Variants in TPSG1 observed in about 807,000 individuals in gnomAD.
TPSG1 encodes tryptase gamma 1, also known as tryptase gamma.
TPSG1 carries 43 observed loss-of-function variants against 23.8 expected under a neutral mutation model. The observed-to-expected ratio is 1.81, with a 90% CI of 1.42 to 2.33. The LOEUF is 2.33. Among genes scored for constraint, TPSG1 ranks in the 30% most tolerant of loss-of-function variants. TPSG1 has a pLI of 0.00. For missense variants in TPSG1, 623 were observed against 438.6 expected, an observed-to-expected ratio of 1.42 and a Z score of -3.75; for synonymous variants, 302 against 201.3, an observed-to-expected ratio of 1.50 and a Z score of -4.23.
rs1335427652 is a variant in TPSG1, at chr16:1,221,754, A to C, written c.*34T>G. The stretch of plus-strand genomic sequence containing the variant: ...GAGGGGGCGGAGCGGAATAAATAGT[A>C]ACTTATTTAAGAAATGCACTTGGAT... On this transcript the variant is annotated 3_prime_UTR_variant, in exon 6 of 6. Coordinates refer to ENST00000234798, the MANE Select transcript of TPSG1 (RefSeq NM_012467.4). The C allele has an allele frequency of 1.9e-6, 3 of 1,558,998 alleles. No individual in the cohort carries two copies. The highest frequency in any genetic ancestry group is 4.5e-5 in the East Asian group (2 of 43,996).
At chr16:1,224,775 A>C (rs1009716405) in intron 1 of TPSG1, 147 bp from the exon 2 acceptor site, 1 of 943,794 alleles carries the variant, frequency 1.1e-6, no homozygotes. Context: ...GGCTGGGTCA[A>C]CTGCTGTCTC....
chr16:1,223,725 G>A (rs369075155), intron 2 of TPSG1, 131 bp from the exon 3 acceptor site: 1 of 1,124,884 alleles, frequency 8.9e-7, no homozygotes, highest in Non-Finnish European at 1.2e-6. Flanking sequence ...TCGTCTGCCA[G>A]ACTCTCCCCA....
At chr16:1,222,949 C>G (rs773768439) in intron 3 of TPSG1, 32 bp from the exon 4 acceptor site, 9 of 1,572,110 alleles carry the variant, frequency 5.7e-6, no homozygotes, top group Non-Finnish European at 7.8e-6. Context: ...TGAGAGGGGC[C>G]AGCTGCGGAG....
At chr16:1,222,522 C>A in intron 4 of TPSG1, 130 bp downstream of exon 4, 1 of 1,358,964 alleles carries the variant, frequency 7.4e-7, no homozygotes, top group South Asian at 1.4e-5. Flanking sequence ...AAGGGACAGC[C>A]GATAGGGGCG....
chr16:1,223,482 C>T lies in TPSG1; in HGVS notation c.186G>A (p.Val62=). The part of the protein sequence containing the change: ...QASLRLRRVH[V]CGGSLLSPQW... ...GGGGGCTGAGCAGTGACCCGCCGCA[C>T]ACGTGCACCCTCCGCAGGCGGAGGC... Residue 62 remains valine, a synonymous_variant, in exon 3 of 6, where the codon GTG becomes GTA. Coordinates refer to ENST00000234798, the MANE Select transcript of TPSG1 (RefSeq NM_012467.4). 2.5e-6 allele frequency: 4 copies of T among 1,583,978 alleles called. No individual in the cohort carries two copies. Among genetic ancestry groups the T allele is most frequent in the Non-Finnish European group, 3.4e-6 (4 of 1,167,750 alleles).
chr16:1,222,817 G>T lies in TPSG1; in HGVS notation c.346C>A (p.Pro116Thr). The change falls in exon 4 of 6, where the codon CCC (proline) becomes ACC (threonine). Residue 116 changes from proline to threonine, a missense_variant. Transcript: ENST00000234798. Reference protein sequence around the residue: ...TVRQIILHSSPSGQPGTSGDI... With the variant: ...TVRQIILHSSTSGQPGTSGDI... ...CCGCTGGTCCCCGGCTGTCCTGAGGGGCTGGAGTGCAGGATGATCTGCCTC... is the reference window on the plus strand; with the variant it reads ...CCGCTGGTCCCCGGCTGTCCTGAGGTGCTGGAGTGCAGGATGATCTGCCTC... 6.2e-7 allele frequency: 1 copy of T among 1,612,086 alleles called. No individual in the cohort carries two copies. The highest frequency in any genetic ancestry group is 2.2e-5 in the East Asian group (1 of 44,866).
At chr16:1,223,619 C>A in intron 2 of TPSG1, 25 bp from the exon 3 acceptor site, 2 of 1,528,104 alleles carry the variant, frequency 1.3e-6, no homozygotes, top group Non-Finnish European at 1.8e-6. Context: ...GAAGGGGTGC[C>A]TGGTGGGGAT....
Position 1,225,245 on chromosome 16 carries a change from A to C in TPSG1, c.8T>G (p.Leu3Arg). The change falls in exon 1 of 6, where the codon CTT (leucine) becomes CGT (arginine). Residue 3 changes from leucine (L) to arginine (R), a missense_variant. Leu to Arg is a moderately radical substitution (Grantham distance 102, BLOSUM62 -2). Coordinates refer to ENST00000234798, the MANE Select transcript of TPSG1 (RefSeq NM_012467.4). MALGACGLLLLLA... is the reference protein window; with the variant it reads MARGACGLLLLLA... ...GAGCAGCAGGAGGCCACAGGCCCCA[A>C]GGGCCATGGTGTCTGCCCACTGTAG... The C allele has an allele frequency of 6.4e-7, 1 of 1,574,578 alleles. No individual in the cohort carries two copies. Among genetic ancestry groups the C allele is most frequent in the Non-Finnish European group, 8.6e-7 (1 of 1,160,278 alleles).
chr16:1,224,622 G>T lies in TPSG1; in HGVS notation c.53C>A (p.Ser18Tyr), dbSNP rs2030049641. 1.2e-6 allele frequency: 2 copies of T among 1,613,824 alleles called. No individual in the cohort carries two copies. Among genetic ancestry groups the T allele is most frequent in the Non-Finnish European group, 8.5e-7 (1 of 1,179,878 alleles). The change falls in exon 2 of 6, where the codon TCC (serine) becomes TAC (tyrosine). Residue 18 changes from serine (S) to tyrosine (Y), a missense_variant. Coordinates refer to ENST00000234798, the MANE Select transcript of TPSG1 (RefSeq NM_012467.4). ...LLLLLAVPGVSLRTLQPGCGR... is the reference protein window; with the variant it reads ...LLLLLAVPGVYLRTLQPGCGR... ...CGTACCTGGCTGCAAAGTCCTGAGG[G>T]ACACACCTGTGGGAAAGACGAAGGG...
Position 1,223,421 on chromosome 16 carries a change from A to T in TPSG1, c.245+2T>A. On this transcript the variant is annotated splice_donor_variant, in intron 3 of 5. Transcript: ENST00000234798. LOFTEE classifies it high-confidence loss of function. ...ACTGCCCCTGCCCACCCGGACACTC[A>T]CCCGGAGAAGCAGTGGGCAGCTGTG... 2.6e-5 allele frequency: 41 copies of T among 1,578,944 alleles called. No homozygotes were observed. The highest frequency in any genetic ancestry group is 3.5e-5 in the Non-Finnish European group (41 of 1,164,762).
intron 2 of TPSG1, 40 bp from the exon 3 acceptor site, chr16:1,223,634 A>G: frequency 6.6e-7 from 1 of 1,524,158 alleles, no homozygotes; most frequent in Non-Finnish European, 8.8e-7. Context: ...GGGGATCCCA[A>G]GAAACCCACT....
At chr16:1,224,558 T>G (rs1158441967) in intron 2 of TPSG1, 44 bp downstream of exon 2, 2 of 1,612,586 alleles carry the variant, frequency 1.2e-6, no homozygotes, top group African/African-American at 2.7e-5. Context: ...CTGCCAGGCC[T>G]TGCCTGCACC....
At chr16:1,223,721 G>T in intron 2 of TPSG1, 127 bp from the exon 3 acceptor site, 1 of 1,145,686 alleles carries the variant, frequency 8.7e-7, no homozygotes, top group Non-Finnish European at 1.2e-6. Flanking sequence ...TCTCTCGTCT[G>T]CCAGACTCTC....
rs371541916 is a variant in TPSG1 at position 1,223,473 on chromosome 16, C to G, written c.195G>C (p.Gly65=). ...GCACCCACTGGGGGCTGAGCAGTGA[C>G]CCGCCGCACACGTGCACCCTCCGCA... The part of the protein sequence containing the change: ...LRLRRVHVCG[G]SLLSPQWVLT... Residue 65 remains glycine, a synonymous_variant, in exon 3 of 6, where the codon GGG becomes GGC. Transcript: ENST00000234798. 1.9e-6 allele frequency: 3 copies of G among 1,586,692 alleles called. No homozygotes were observed. The highest frequency in any genetic ancestry group is 1.3e-5 in the African/African-American group (1 of 74,628).
intron 1 of TPSG1, 48 bp downstream of exon 1, chr16:1,225,159 C>A (rs779317408): frequency 6.5e-7 from 1 of 1,547,884 alleles, no homozygotes; most frequent in East Asian, 2.4e-5. Context: ...GGGGTCCAGG[C>A]AGGAAGCAGA....
At position 1,221,977 on chromosome 16, in the gene TPSG1, A is replaced by G. The variant is rs755960878; in HGVS notation, c.777T>C (p.Pro259=). 1.2e-6 allele frequency: 2 copies of G among 1,612,430 alleles called. No homozygotes were observed. Among genetic ancestry groups the G allele is most frequent in the Admixed American group, 1.7e-5 (1 of 59,996 alleles). ...GGCGGCGGATCCAGTTCACGTAGGC[A>G]GGGACACGAGTGTAGACTCCCGGCC... ...PNRPGVYTRV[P]AYVNWIRRHI... Residue 259 remains proline, a synonymous_variant, in exon 6 of 6, where the codon CCT becomes CCC. Coordinates refer to ENST00000234798, the MANE Select transcript of TPSG1 (RefSeq NM_012467.4).
At chr16:1,224,557 C>T (rs1485261701) in intron 2 of TPSG1, 45 bp downstream of exon 2, 4 of 1,612,760 alleles carry the variant, frequency 2.5e-6, no homozygotes, top group Non-Finnish European at 3.4e-6. Flanking sequence ...CCTGCCAGGC[C>T]TTGCCTGCAC....
At position 1,222,874 on chromosome 16, in the gene TPSG1, C is replaced by A; in HGVS notation, c.289G>T (p.Glu97Ter). 1 of 1,609,118 alleles carries A rather than the reference C, an allele frequency of 6.2e-7. No individual in the cohort carries two copies. Among genetic ancestry groups the A allele is most frequent in the Admixed American group, 1.7e-5 (1 of 59,600 alleles). ...SDYQVHLGELEITLSPHFSTV... is the reference protein window; with the variant it reads ...SDYQVHLGEL ...GAGAAGTGGGGAGACAGAGTGATCT[C>A]CAGTTCCCCCAGGTGCACCTGGTAG... Residue 97 changes from glutamate (E) to a stop codon, truncating the protein, a stop_gained, in exon 4 of 6, where the codon GAG (glutamate) becomes TAG (stop). Transcript: ENST00000234798. LOFTEE classifies it high-confidence loss of function.
In TPSG1 at chr16:1,222,275, C is replaced by T. The variant is rs143120059; in HGVS notation, c.578G>A (p.Arg193His). 92,750 of 1,611,630 alleles carry T rather than the reference C, an allele frequency of 0.058. 3,114 individuals carry two copies. Among genetic ancestry groups the T allele is most frequent in the Middle Eastern group, 0.083 (488 of 5,876 alleles). The stretch of plus-strand genomic sequence containing the variant: ...GCCCCCGGGGCCGGGATAGTCCCGG[C>T]GGCAGGTCTCTGTGTCCACCACGGA... ...KVSVVDTETC[R>H]RDYPGPGGSI... The change falls in exon 5 of 6, where the codon CGC becomes CAC. Residue 193 changes from arginine (R) to histidine (H), a missense_variant. By Grantham distance (29) the Arg-to-His change is conservative. Coordinates refer to ENST00000234798, the MANE Select transcript of TPSG1 (RefSeq NM_012467.4).
Sources: gnomAD v4.1 joint callset for allele counts on GRCh38, gnomAD v4.1.1 for gene constraint, MANE v1.5 for transcripts, NCBI Gene and HGNC (gene_info 2026-07-23, HGNC 2026-07-21) for gene names.